Variants in OR9Q1 observed in about 807,000 individuals in gnomAD.
The protein encoded by OR9Q1 is olfactory receptor family 9 subfamily Q member 1.
For synonymous variants in OR9Q1, 153 were observed against 148.6 expected, an observed-to-expected ratio of 1.03 and a Z score of -0.22; for missense variants, 374 against 378.8, an observed-to-expected ratio of 0.99 and a Z score of 0.11.
chr11:58,096,362 C>T (rs956734298), intron 2 of OR9Q1, among the ~76,000 whole-genome samples: 2 of 152,112 alleles, frequency 1.3e-5, no homozygotes, highest in African/African-American at 2.4e-5. Flanking sequence ...CCTTCCTGTC[C>T]CTGTCCAGAC....
At chr11:58,062,294 T>C (rs1469313494) in intron 2 of OR9Q1, among the ~76,000 whole-genome samples, 2 of 152,178 alleles carry the variant, frequency 1.3e-5, no homozygotes, top group African/African-American at 4.8e-5. Flanking sequence ...AGAGTTTAGC[T>C]CGGCTGAGAC....
chr11:58,102,037 C>T (rs142998231), intron 2 of OR9Q1, among the ~76,000 whole-genome samples: 7 of 152,296 alleles, frequency 4.6e-5, no homozygotes, highest in Admixed American at 1.3e-4. Context: ...TGAGCCACCA[C>T]GCCCGGCCAT....
chr11:58,110,594 T>C (rs1227856659), intron 2 of OR9Q1, among the ~76,000 whole-genome samples: 1 of 152,192 alleles, frequency 6.6e-6, no homozygotes, highest in East Asian at 1.9e-4. Context: ...TAAGGTGACT[T>C]GTCAAAGAAT....
intron 2 of OR9Q1, among the ~76,000 whole-genome samples, chr11:58,061,879 C>G (rs914758018): frequency 1.3e-5 from 2 of 152,214 alleles, no homozygotes; most frequent in African/African-American, 2.4e-5. Context: ...GGTTCACACC[C>G]ATTCAACAGA....
chr11:58,090,438 G>A (rs1297070287), intron 2 of OR9Q1, among the ~76,000 whole-genome samples: 1 of 152,136 alleles, frequency 6.6e-6, no homozygotes, highest in Non-Finnish European at 1.5e-5. Flanking sequence ...TTTATGTGAT[G>A]GATTACATTT....
intron 2 of OR9Q1, chr11:58,118,529 T>C (rs760691841): frequency 6.2e-7 from 1 of 1,611,620 alleles, no homozygotes; most frequent in South Asian, 1.1e-5. Flanking sequence ...TGGAGTCTCC[T>C]AGCGACCTTT....
intron 2 of OR9Q1, among the ~76,000 whole-genome samples, chr11:58,113,289 G>C (rs1278405114): frequency 6.6e-6 from 1 of 152,160 alleles, no homozygotes; most frequent in Non-Finnish European, 1.5e-5. Context: ...CACCCAGTAA[G>C]TCAGAAAACA....
intron 2 of OR9Q1, among the ~76,000 whole-genome samples, chr11:58,093,887 A>G (rs995511831): frequency 3.9e-5 from 6 of 151,992 alleles, no homozygotes; most frequent in African/African-American, 1.5e-4. Context: ...ATATATGAAG[A>G]TTTCTCAAAG....
chr11:58,098,017 G>A (rs1280667043), intron 2 of OR9Q1, among the ~76,000 whole-genome samples: 2 of 152,260 alleles, frequency 1.3e-5, no homozygotes, highest in East Asian at 3.9e-4. Context: ...TGTCCTTTAT[G>A]TTGATTACGG....
intron 1 of OR9Q1, among the ~76,000 whole-genome samples, chr11:58,045,891 T>C (rs1371132390): frequency 6.6e-6 from 1 of 152,200 alleles, no homozygotes; most frequent in Non-Finnish European, 1.5e-5. Flanking sequence ...TATGGAGAAC[T>C]GTCCTGTGCA....
intron 2 of OR9Q1, chr11:58,073,765 A>G (rs1853512614): frequency 1.3e-5 from 2 of 152,046 alleles, no homozygotes; most frequent in Admixed American, 6.6e-5. Flanking sequence ...TAAGCCCCTC[A>G]TATATTAGGT....
intron 2 of OR9Q1, among the ~76,000 whole-genome samples, chr11:58,146,460 T>C (rs1383071573): frequency 1.3e-5 from 2 of 152,156 alleles, no homozygotes; most frequent in Non-Finnish European, 2.9e-5. Context: ...TTTAGAATAT[T>C]TTAAGTATGT....
chr11:58,065,371 C>T (rs1298385922), intron 2 of OR9Q1, among the ~76,000 whole-genome samples: 1 of 145,630 alleles, frequency 6.9e-6, no homozygotes, highest in African/African-American at 2.6e-5. Flanking sequence ...GCAAAAGACA[C>T]ACAGCACATG....
chr11:58,132,007 G>A (rs950813829), intron 2 of OR9Q1, among the ~76,000 whole-genome samples: 7 of 152,198 alleles, frequency 4.6e-5, no homozygotes, highest in Non-Finnish European at 8.8e-5. Context: ...TGCACCAACC[G>A]AATGCTAGGT....
chr11:58,123,021 A>T (rs1854051140), intron 2 of OR9Q1, among the ~76,000 whole-genome samples: 1 of 150,880 alleles, frequency 6.6e-6, no homozygotes, highest in Non-Finnish European at 1.5e-5. Flanking sequence ...TATTTTACTT[A>T]TCAATTCTAC....
At chr11:58,046,485 G>A (rs1319908431) in intron 1 of OR9Q1, among the ~76,000 whole-genome samples, 1 of 152,206 alleles carries the variant, frequency 6.6e-6, no homozygotes, top group Non-Finnish European at 1.5e-5. Context: ...GTTGCTCAGT[G>A]AAGGGAGTGT....
intron 2 of OR9Q1, among the ~76,000 whole-genome samples, chr11:58,088,122 T>A (rs537777419): frequency 6.6e-6 from 1 of 152,010 alleles, no homozygotes; most frequent in South Asian, 2.1e-4. Flanking sequence ...AGTACAGGCA[T>A]GAGCCACCGC....
In OR9Q1 at chr11:58,180,461, A is replaced by G. The variant is rs1461313974; in HGVS notation, c.*84A>G. ...ACGCTCATTATTTATAGCATGCTCA[A>G]TGTTTAAATGAATATATTATGGTAC... On this transcript the variant is annotated 3_prime_UTR_variant, in exon 3 of 3. Coordinates refer to ENST00000335397, the MANE Select transcript of OR9Q1 (RefSeq NM_001005212.4). The G allele has an allele frequency of 5.1e-6, 4 of 786,076 alleles. No individual in the cohort carries two copies. Among genetic ancestry groups the G allele is most frequent in the Admixed American group, 5.6e-5 (2 of 35,660 alleles). 48.7% of individuals were successfully genotyped at this position (786,076 alleles called of 1,614,324 possible).
At chr11:58,164,003 C>T (rs1854478522) in intron 2 of OR9Q1, among the ~76,000 whole-genome samples, 1 of 152,076 alleles carries the variant, frequency 6.6e-6, no homozygotes, top group African/African-American at 2.4e-5. Context: ...ATAAATAATC[C>T]CAATATCAGC....
Sources: allele counts gnomAD v4.1 joint callset (sites outside exome capture counted in the v4.1 genomes callset), GRCh38; gene constraint gnomAD v4.1.1; transcripts MANE v1.5; gene names NCBI Gene and HGNC (gene_info 2026-07-23, HGNC 2026-07-21).